The following ARHGAP15 variants were observed in gnomAD, a reference collection of about 807,000 sequenced individuals.
The protein encoded by ARHGAP15 is Rho GTPase activating protein 15, also known as rho GTPase-activating protein 15.
In ARHGAP15, 51 loss-of-function variants were observed where a neutral mutation model predicts 63.7. That is an observed-to-expected ratio of 0.80 (90% CI 0.64 to 1.01). The LOEUF (loss-of-function observed/expected upper bound fraction) is 1.01. Among genes scored for constraint, ARHGAP15 ranks in the 50% least tolerant of loss-of-function variants. The pLI is 0.00. For missense variants in ARHGAP15, 560 were observed against 564.6 expected (o/e 0.99, Z 0.08); for synonymous variants, 191 against 193.8 (o/e 0.99, Z 0.12).
intron 1 of ARHGAP15, among the ~76,000 whole-genome samples, chr2:143,134,873 G>A (rs192495484): frequency 3.9e-5 from 6 of 152,046 alleles, no homozygotes; most frequent in African/African-American, 7.2e-5. Context: ...TCCTGACCTC[G>A]TGATCTGCCC....
rs139131336 is a variant in ARHGAP15 at position 143,644,997 on chromosome 2, G to A, written c.1138+20730G>A. Among the ~76,000 whole-genome samples the A allele has an allele frequency of 1.1e-4, 17 of 152,128 alleles. 1 individual carries two copies. The highest frequency in any genetic ancestry group is 7.7e-4 in the East Asian group (4 of 5,170). On this transcript the variant is annotated intron_variant, in intron 12 of 13. Transcript: ENST00000295095. ...TGCCATATAATTGCGACACCACTTC[G>A]TACAGTGAGCATGTTTGGAGTAAAA...
chr2:143,527,284 A>G (rs750147415), intron 10 of ARHGAP15, among the ~76,000 whole-genome samples: 8 of 152,106 alleles, frequency 5.3e-5, no homozygotes, highest in Non-Finnish European at 1.0e-4. Context: ...CAGGATATTT[A>G]GAACTTTTTA....
intron 9 of ARHGAP15, among the ~76,000 whole-genome samples, chr2:143,516,144 T>C (rs571752792): frequency 1.3e-5 from 2 of 152,226 alleles, no homozygotes; most frequent in Non-Finnish European, 2.9e-5. Context: ...TGTTCTTACC[T>C]GTTTACTTAT....
chr2:143,392,288 A>G (rs1379373009), intron 6 of ARHGAP15, among the ~76,000 whole-genome samples: 1 of 152,218 alleles, frequency 6.6e-6, no homozygotes, highest in Non-Finnish European at 1.5e-5. Context: ...AAATAAGTAT[A>G]TAATAGAAAA....
intron 6 of ARHGAP15, among the ~76,000 whole-genome samples, chr2:143,301,918 C>T (rs1167551512): frequency 1.3e-5 from 2 of 151,724 alleles, no homozygotes; most frequent in Non-Finnish European, 2.9e-5. Context: ...AATCAATGCT[C>T]TTTAAGGATT....
intron 11 of ARHGAP15, among the ~76,000 whole-genome samples, chr2:143,606,397 G>A (rs1698033021): frequency 6.6e-6 from 1 of 152,136 alleles, no homozygotes; most frequent in African/African-American, 2.4e-5. Flanking sequence ...TGAGTGCTTT[G>A]TTATCTGTAA....
chr2:143,502,284 C>T (rs1444155672), intron 9 of ARHGAP15, among the ~76,000 whole-genome samples: 2 of 151,904 alleles, frequency 1.3e-5, no homozygotes, highest in African/African-American at 4.8e-5. Flanking sequence ...TGGCAGGTGC[C>T]TATAATCCCA....
chr2:143,407,985 G>GTGTGTA (rs1688274030), intron 6 of ARHGAP15, among the ~76,000 whole-genome samples: 1 of 82,348 alleles, frequency 1.2e-5, no homozygotes, highest in African/African-American at 4.1e-5. Flanking sequence ...ACTTCTGTGT[G>GTGTGTA]TGTATATATA....
chr2:143,762,122 A>G (rs1686782726), intron 13 of ARHGAP15, among the ~76,000 whole-genome samples: 1 of 152,136 alleles, frequency 6.6e-6, no homozygotes, highest in Admixed American at 6.6e-5. Flanking sequence ...AGAGGCACTA[A>G]ACTTTGAGCT....
intron 8 of ARHGAP15, among the ~76,000 whole-genome samples, chr2:143,478,370 A>G (rs117311086): frequency 6.6e-6 from 1 of 152,312 alleles, no homozygotes; most frequent in East Asian, 1.9e-4. Flanking sequence ...TAATCAGTTC[A>G]TGGTAAAGCA....
At chr2:143,324,251 G>T (rs913797570) in intron 6 of ARHGAP15, among the ~76,000 whole-genome samples, 1 of 152,106 alleles carries the variant, frequency 6.6e-6, no homozygotes, top group African/African-American at 2.4e-5. Context: ...ATCCACTAAG[G>T]TTAATATTTT....
intron 10 of ARHGAP15, among the ~76,000 whole-genome samples, chr2:143,548,496 A>G (rs1695422315): frequency 6.6e-6 from 1 of 151,986 alleles, no homozygotes; most frequent in South Asian, 2.1e-4. Context: ...CATAGGTTCT[A>G]AGCCATTTTC....
chr2:143,755,305 A>G (rs1686536690), intron 13 of ARHGAP15, among the ~76,000 whole-genome samples: 1 of 151,558 alleles, frequency 6.6e-6, no homozygotes, highest in Non-Finnish European at 1.5e-5. Flanking sequence ...AAATATCAAT[A>G]GTGGTAATAT....
Position 143,410,301 on chromosome 2 carries a change from C to T in ARHGAP15, c.475-25300C>T, listed in dbSNP as rs140438244. Among the ~76,000 whole-genome samples, 392 of 152,260 alleles carry T rather than the reference C, an allele frequency of 2.6e-3. 1 individual carries two copies. Among genetic ancestry groups the T allele is most frequent in the African/African-American group, 9.0e-3 (373 of 41,556 alleles). The stretch of plus-strand genomic sequence containing the variant: ...GAAGATCCATGTGATGTTTCATCAA[C>T]TACTGATGTGGACACATGTGCATAG... On this transcript the variant is annotated intron_variant, in intron 6 of 13. Coordinates refer to ENST00000295095, the MANE Select transcript of ARHGAP15 (RefSeq NM_018460.4).
Position 143,421,835 on chromosome 2 carries a change from A to G in ARHGAP15, c.475-13766A>G, listed in dbSNP as rs190530132. ...TTCATTATTATACATTGAATAATAG[A>G]TGAATTTATGTGTAGAAAGATACCT... On this transcript the variant is annotated intron_variant, in intron 6 of 13. Transcript: ENST00000295095. Among the ~76,000 whole-genome samples the G allele has an allele frequency of 1.6e-3, 244 of 151,578 alleles. 2 individuals carry two copies. Among genetic ancestry groups the G allele is most frequent in the Middle Eastern group, 0.01 (3 of 294 alleles).
intron 3 of ARHGAP15, among the ~76,000 whole-genome samples, chr2:143,214,496 A>C (rs377161364): frequency 6.6e-6 from 1 of 152,216 alleles, no homozygotes; most frequent in Non-Finnish European, 1.5e-5. Context: ...AAGGGACAGT[A>C]TACATAGAAT....
chr2:143,580,339 C>T (rs888720974), intron 11 of ARHGAP15, among the ~76,000 whole-genome samples: 2 of 152,054 alleles, frequency 1.3e-5, no homozygotes, highest in African/African-American at 2.4e-5. Flanking sequence ...TAAATTTCTC[C>T]AGAGGTCAAC....
intron 4 of ARHGAP15, among the ~76,000 whole-genome samples, chr2:143,222,989 T>C (rs767068045): frequency 2.0e-5 from 3 of 152,130 alleles, no homozygotes; most frequent in African/African-American, 4.8e-5. Context: ...TGTTTTGTTC[T>C]GTTTTGAGAC....
intron 1 of ARHGAP15, among the ~76,000 whole-genome samples, chr2:143,138,483 T>C (rs999305535): frequency 2.0e-5 from 3 of 152,142 alleles, no homozygotes; most frequent in Non-Finnish European, 2.9e-5. Flanking sequence ...CTACTTTGTT[T>C]GATGTCTAAA....
Sources: gnomAD v4.1 joint callset for allele counts (sites outside exome capture counted in the v4.1 genomes callset) on GRCh38, gnomAD v4.1.1 for gene constraint, MANE v1.5 for transcripts, NCBI Gene and HGNC (gene_info 2026-07-23, HGNC 2026-07-21) for gene names.